Variants in ST3GAL3 observed in about 807,000 individuals in gnomAD.
ST3GAL3 encodes the protein ST3 beta-galactoside alpha-2,3-sialyltransferase 3.
A neutral mutation model predicts 50.1 loss-of-function variants in ST3GAL3; 21 were observed. That is an observed-to-expected ratio of 0.42 (90% CI 0.30 to 0.60). The LOEUF is 0.60. ST3GAL3 is among the 20% of genes least tolerant of loss of function. The probability of loss-of-function intolerance (pLI) is 0.19; values close to 1 mark genes in which losing one functional copy is unlikely to be tolerated. For missense variants in ST3GAL3, 353 were observed against 489.4 expected (o/e 0.72, Z 2.63); for synonymous variants, 183 against 190.0 (o/e 0.96, Z 0.30).
intron 4 of ST3GAL3, among the ~76,000 whole-genome samples, chr1:43,825,971 A>G (rs959578410): frequency 5.3e-5 from 8 of 152,190 alleles, no homozygotes; most frequent in African/African-American, 9.7e-5. Flanking sequence ...CATAGATATT[A>G]AAAAGAATAA....
chr1:43,773,306 T>G (rs1173721167), intron 2 of ST3GAL3, among the ~76,000 whole-genome samples: 1 of 152,224 alleles, frequency 6.6e-6, no homozygotes, highest in Non-Finnish European at 1.5e-5. Flanking sequence ...ACCAGAAGGA[T>G]ACTAACTCAT....
At chr1:43,896,890 T>C (rs538412106) in intron 6 of ST3GAL3, 2 of 152,312 alleles carry the variant, frequency 1.3e-5, no homozygotes, top group South Asian at 2.1e-4. Flanking sequence ...ATTAAAAATA[T>C]AGTACCGCTC....
rs78232491 is a variant in ST3GAL3, at chr1:43,832,735, A to G, written c.210-5484A>G. Among the ~76,000 whole-genome samples the G allele has an allele frequency of 7.9e-5, 12 of 152,332 alleles. No individual in the cohort carries two copies. The East Asian group carries it at 2.3e-3, about 29-fold the overall frequency. ...AAAAAAATTAAAGTGAAAATATTTA[A>G]TGACAGAATAGGATTACTCAAGCTA... On this transcript the variant is annotated intron_variant, in intron 4 of 11. Coordinates refer to ENST00000347631, the MANE Select transcript of ST3GAL3 (RefSeq NM_006279.5).
chr1:43,801,530 G>A, intron 3 of ST3GAL3: 1 of 362,834 alleles, frequency 2.8e-6, no homozygotes. Context: ...GCTCCCAACT[G>A]CACGTCAGAA....
chr1:43,801,646 T>C (rs1220462205), intron 3 of ST3GAL3: 2 of 251,046 alleles, frequency 8.0e-6, no homozygotes, highest in Non-Finnish European at 1.6e-5. Context: ...TTTTTTTTTT[T>C]TAATATTACA....
intron 5 of ST3GAL3, chr1:43,842,463 A>G (rs998612311): frequency 4.6e-5 from 7 of 152,156 alleles, no homozygotes; most frequent in African/African-American, 1.7e-4. Context: ...TTCCTGCAGA[A>G]CTGTGAGCCA....
At chr1:43,843,582 T>C (rs1050216433) in intron 5 of ST3GAL3, among the ~76,000 whole-genome samples, 24 of 152,224 alleles carry the variant, frequency 1.6e-4, no homozygotes, top group African/African-American at 5.8e-4. Context: ...TTTGGTAATA[T>C]AGTAATGCTG....
Position 43,930,403 on chromosome 1 carries a change from C to A in ST3GAL3, c.*182C>A. Reference sequence around the variant, plus strand: ...GCCAGTCTCAGAGACCAGCACTCAGCCTCATTCAGCATGGGTCCTTGATGC... The same window carrying A: ...GCCAGTCTCAGAGACCAGCACTCAGACTCATTCAGCATGGGTCCTTGATGC... On this transcript the variant is annotated 3_prime_UTR_variant, in exon 12 of 12. Transcript: ENST00000347631. The A allele has an allele frequency of 3.0e-6, 2 of 667,848 alleles. No homozygotes were observed. The highest frequency in any genetic ancestry group is 5.4e-6 in the Non-Finnish European group (2 of 369,978). 41.4% of individuals were successfully genotyped at this position (667,848 alleles called of 1,614,324 possible).
chr1:43,752,216 A>G (rs1686420584), intron 2 of ST3GAL3, among the ~76,000 whole-genome samples: 1 of 152,170 alleles, frequency 6.6e-6, no homozygotes, highest in African/African-American at 2.4e-5. Flanking sequence ...GTTTGATAGT[A>G]TTTCCACATT....
chr1:43,899,120 C>T lies in ST3GAL3; in HGVS notation c.462-48C>T. ...AGGGCCAAAGGAGCAGGGAAAGAGA[C>T]CTGGTGGGCAGCTCTCTGTACAGAG... is the stretch of plus-strand genomic sequence containing the variant. On this transcript the variant is annotated intron_variant, in intron 7 of 11. Coordinates refer to ENST00000347631, the MANE Select transcript of ST3GAL3 (RefSeq NM_006279.5). This position sits in a 1 kb window ranked among gnomAD's most constrained non-coding sequence, Gnocchi z 5.4. The T allele has an allele frequency of 6.2e-7, 1 of 1,613,100 alleles. No individual in the cohort carries two copies. The highest frequency in any genetic ancestry group is 8.5e-7 in the Non-Finnish European group (1 of 1,179,744).
intron 11 of ST3GAL3, chr1:43,921,801 C>T (rs1023722767): frequency 7.5e-6 from 3 of 398,688 alleles, no homozygotes; most frequent in South Asian, 1.3e-4. Context: ...TCTGATCTGT[C>T]GGGCTCTGCA....
intron 9 of ST3GAL3, among the ~76,000 whole-genome samples, chr1:43,902,316 C>T (rs1039738317): frequency 3.9e-5 from 6 of 152,210 alleles, no homozygotes; most frequent in African/African-American, 1.4e-4. Flanking sequence ...AATTAGGCCT[C>T]AGTCACAGCT....
At chr1:43,827,470 A>G (rs1487477825) in intron 4 of ST3GAL3, among the ~76,000 whole-genome samples, 1 of 152,124 alleles carries the variant, frequency 6.6e-6, no homozygotes, top group Non-Finnish European at 1.5e-5. Flanking sequence ...AGATAAATGG[A>G]TATTCCACAT....
At chr1:43,875,593 A>C (rs553198027) in intron 5 of ST3GAL3, among the ~76,000 whole-genome samples, 1 of 151,974 alleles carries the variant, frequency 6.6e-6, no homozygotes, top group Non-Finnish European at 1.5e-5. Flanking sequence ...ATGATAGTGA[A>C]TGGTTTTATA....
chr1:43,907,195 A>C (rs975998670), intron 9 of ST3GAL3, among the ~76,000 whole-genome samples: 1 of 152,214 alleles, frequency 6.6e-6, no homozygotes, highest in African/African-American at 2.4e-5. Flanking sequence ...AAGGTGTTTC[A>C]CTTTAACCAT....
At chr1:43,757,238 A>C (rs1037633678) in intron 2 of ST3GAL3, among the ~76,000 whole-genome samples, 1 of 152,284 alleles carries the variant, frequency 6.6e-6, no homozygotes, top group East Asian at 1.9e-4. Context: ...ACATTCTCTC[A>C]ATCAAAATCC....
At chr1:43,724,438 C>T (rs1671998113) in intron 1 of ST3GAL3, among the ~76,000 whole-genome samples, 1 of 148,546 alleles carries the variant, frequency 6.7e-6, no homozygotes, top group Non-Finnish European at 1.5e-5. Context: ...AGGCTGGTCT[C>T]AAACTCCTGA....
At chr1:43,920,104 A>C (rs1439767273) in intron 9 of ST3GAL3, 1 of 439,268 alleles carries the variant, frequency 2.3e-6, no homozygotes, top group Non-Finnish European at 4.2e-6. Context: ...GAGCCCCCTC[A>C]GGCCACAGCA....
intron 5 of ST3GAL3, among the ~76,000 whole-genome samples, chr1:43,890,743 G>A (rs1047628263): frequency 2.0e-5 from 3 of 151,926 alleles, no homozygotes; most frequent in Non-Finnish European, 4.4e-5. Context: ...ACTTAGCTGG[G>A]TATGGGGGTG....
Sources: allele counts gnomAD v4.1 joint callset (sites outside exome capture counted in the v4.1 genomes callset), GRCh38; gene constraint gnomAD v4.1.1; non-coding constraint Gnocchi (gnomAD v3.1); transcripts MANE v1.5; gene names NCBI Gene and HGNC (gene_info 2026-07-23, HGNC 2026-07-21).